Variants in RYR2 observed in about 807,000 individuals in gnomAD.
RYR2 encodes cardiac muscle ryanodine receptor-calcium release channel.
RYR2 carries 227 observed loss-of-function variants against 601.1 expected under a neutral mutation model. The ratio of observed to expected loss-of-function variants is 0.38; its 90% CI spans 0.34 to 0.42. The LOEUF is 0.42. RYR2 is among the 10% of genes least tolerant of loss of function. RYR2 has a pLI of 1.00. For synonymous variants in RYR2, 2,223 were observed against 2,175.1 expected, an observed-to-expected ratio of 1.02 and a Z score of -0.61; for missense variants, 4,646 against 6,156.5, an observed-to-expected ratio of 0.75 and a Z score of 8.21.
At chr1:237,481,566 T>C (rs1353566392) in intron 17 of RYR2, among the ~76,000 whole-genome samples, 4 of 152,334 alleles carry the variant, frequency 2.6e-5, no homozygotes, top group African/African-American at 9.6e-5. Flanking sequence ...TAGCTCAAGC[T>C]AGACGTTTCT....
intron 2 of RYR2, among the ~76,000 whole-genome samples, chr1:237,289,884 A>G (rs1692019730): frequency 6.6e-6 from 1 of 152,222 alleles, no homozygotes; most frequent in South Asian, 2.1e-4. Flanking sequence ...TTGGCATAAA[A>G]CTATTTTAGT....
At chr1:237,442,820 C>T (rs550505171) in intron 13 of RYR2, among the ~76,000 whole-genome samples, 1 of 152,198 alleles carries the variant, frequency 6.6e-6, no homozygotes, top group East Asian at 1.9e-4. Context: ...CTGTGCTGTC[C>T]AAATCAGTAA....
chr1:237,402,751 C>CAA (rs66566720), intron 10 of RYR2, among the ~76,000 whole-genome samples: 112,338 of 150,992 alleles, frequency 0.74, 42,355 homozygotes, highest in East Asian at 1. Context: ...TTCATCCCTA[C>CAA]AAAAAAATTG....
intron 82 of RYR2, among the ~76,000 whole-genome samples, chr1:237,759,473 G>T (rs1220690343): frequency 6.6e-6 from 1 of 152,168 alleles, no homozygotes; most frequent in Non-Finnish European, 1.5e-5. Context: ...TTGCACTAGA[G>T]TATCTGAATC....
chr1:237,483,459 T>G (rs1558896399), intron 17 of RYR2, among the ~76,000 whole-genome samples: 1 of 152,146 alleles, frequency 6.6e-6, no homozygotes, highest in African/African-American at 2.4e-5. Flanking sequence ...CACAGAGATG[T>G]TAAATAGTTT....
chr1:237,274,720 G>A (rs181038717), intron 2 of RYR2, among the ~76,000 whole-genome samples: 14 of 152,110 alleles, frequency 9.2e-5, no homozygotes, highest in South Asian at 2.1e-4. Flanking sequence ...ACTTCCGGTC[G>A]TGCAAGCTCC....
chr1:237,278,142 C>T (rs911893433), intron 2 of RYR2, among the ~76,000 whole-genome samples: 1 of 151,572 alleles, frequency 6.6e-6, no homozygotes, highest in Non-Finnish European at 1.5e-5. Flanking sequence ...ATGATCTTGG[C>T]TCACTGTAGT....
intron 29 of RYR2, among the ~76,000 whole-genome samples, chr1:237,574,992 C>T (rs1040219233): frequency 6.6e-6 from 1 of 152,056 alleles, no homozygotes; most frequent in Non-Finnish European, 1.5e-5. Flanking sequence ...AATAGAAAAC[C>T]GGTATGTTGA....
rs1448136563 is a variant in RYR2, at chr1:237,742,710, C to A, written c.11145+361C>A. On this transcript the variant is annotated intron_variant, in intron 80 of 104. Coordinates refer to ENST00000366574, the MANE Select transcript of RYR2 (RefSeq NM_001035.3). ...CATGATGTCAAGTTTTTCAGTAAAC[C>A]CTTGGTTTGATATTTTTTCCTGAAT... is the stretch of plus-strand genomic sequence containing the variant. Among the ~76,000 whole-genome samples the A allele has an allele frequency of 2.0e-5, 3 of 151,990 alleles. No individual in the cohort carries two copies. The East Asian group carries it at 5.8e-4, about 29-fold the overall frequency.
At chr1:237,417,449 G>A (rs1453694899) in intron 11 of RYR2, among the ~76,000 whole-genome samples, 8 of 152,326 alleles carry the variant, frequency 5.3e-5, no homozygotes, top group African/African-American at 1.7e-4. Context: ...AGGACAGAGT[G>A]ATGTAAGATT....
At chr1:237,074,595 G>T (rs543147202) in intron 1 of RYR2, among the ~76,000 whole-genome samples, 1 of 152,296 alleles carries the variant, frequency 6.6e-6, no homozygotes, top group Non-Finnish European at 1.5e-5. Context: ...CCCCAGCCCA[G>T]ACATATTCAT....
intron 65 of RYR2, 124 bp downstream of exon 65, chr1:237,700,591 T>A: frequency 1.6e-6 from 1 of 613,616 alleles, no homozygotes; most frequent in Non-Finnish European, 2.9e-6. Flanking sequence ...ATGCCTTTTT[T>A]ATTGCAAAAC....
chr1:237,827,902 A>T (rs1399986872), intron 101 of RYR2, among the ~76,000 whole-genome samples: 1 of 126,044 alleles, frequency 7.9e-6, no homozygotes, highest in Non-Finnish European at 1.6e-5. Context: ...GTGCCACTGC[A>T]CTCCAGCCTG....
rs1385703864 is a variant in RYR2 at position 237,051,329 on chromosome 1, C to A, written c.48+8760C>A. On this transcript the variant is annotated intron_variant, in intron 1 of 104. Transcript: ENST00000366574. ...TTCTCTTTATCTCTCTCCCTCCCCT[C>A]CCCTCCCCTCCCCTCTCGTCTTCTC... Among the ~76,000 whole-genome samples the A allele has an allele frequency of 3.9e-4, 55 of 139,310 alleles. 1 individual carries two copies. The highest frequency in any genetic ancestry group is 1.4e-3 in the African/African-American group (54 of 37,368). The allele number at this position is 139,310 out of a possible 152,430, so 91.4% of individuals were successfully genotyped here. A position where few individuals can be genotyped will look rare whatever the true frequency, so the allele number is the denominator to read the frequency against.
intron 1 of RYR2, among the ~76,000 whole-genome samples, chr1:237,135,316 G>A (rs1293629713): frequency 6.6e-6 from 1 of 151,308 alleles, no homozygotes. Flanking sequence ...TGTTCTCCTG[G>A]GCTACAGATT....
intron 60 of RYR2, 100 bp downstream of exon 60, chr1:237,674,946 A>G (rs1685269135): frequency 1.5e-6 from 1 of 645,506 alleles, no homozygotes; most frequent in Admixed American, 2.7e-5. Context: ...GCTATTTGTG[A>G]TGGTATAAAC....
chr1:237,793,211 C>G (rs77203502), intron 94 of RYR2, among the ~76,000 whole-genome samples: 4,095 of 152,268 alleles, frequency 0.027, 171 homozygotes, highest in African/African-American at 0.093. Context: ...TTCAGGAACT[C>G]CTTTCCTCCC....
At chr1:237,099,174 G>C (rs7551978) in intron 1 of RYR2, among the ~76,000 whole-genome samples, 120,200 of 151,734 alleles carry the variant, frequency 0.79, 50,957 homozygotes, top group Non-Finnish European at 0.95. Context: ...AGCCCAGCTG[G>C]TCAGCAGAGG....
intron 97 of RYR2, among the ~76,000 whole-genome samples, chr1:237,798,776 T>TCACACACACACACACA (rs72164792): frequency 9.6e-5 from 13 of 135,210 alleles, no homozygotes; most frequent in Non-Finnish European, 1.8e-4. Context: ...AATTTAAATG[T>TCACACACACACACACA]CACACACACA....
Sources: allele counts gnomAD v4.1 joint callset (sites outside exome capture counted in the v4.1 genomes callset), GRCh38; gene constraint gnomAD v4.1.1; transcripts MANE v1.5; gene names NCBI Gene and HGNC (gene_info 2026-07-23, HGNC 2026-07-21).